The following CC2D2A variants were observed in gnomAD, a reference collection of about 807,000 sequenced individuals.
The protein encoded by CC2D2A is coiled-coil and C2 domain-containing protein 2A.
In CC2D2A, 155 loss-of-function variants were observed where a neutral mutation model predicts 212.9. That is an observed-to-expected ratio of 0.73 (90% CI 0.64 to 0.83). CC2D2A has a LOEUF of 0.83. Among genes scored for constraint, CC2D2A ranks in the 40% least tolerant of loss-of-function variants. The probability of loss-of-function intolerance (pLI) is 0.00; values close to 1 mark genes in which losing one functional copy is unlikely to be tolerated. For synonymous variants in CC2D2A, 667 were observed against 686.5 expected (o/e 0.97, Z 0.44); for missense variants, 1,856 against 1,956.2 (o/e 0.95, Z 0.97).
rs1408243342 is a variant in CC2D2A, at chr4:15,550,970, A to T, written c.2328A>T (p.Gly776=). 6.3e-7 allele frequency: 1 copy of T among 1,593,282 alleles called. No individual in the cohort carries two copies. The highest frequency in any genetic ancestry group is 1.3e-5 in the African/African-American group (1 of 74,854). The change falls in exon 18 of 37, where the codon GGA becomes GGT. Residue 776 remains glycine (G), a synonymous_variant. Transcript: ENST00000424120. ...AGCATGTGACACTGGACCACGAGGGAGTTGGAAGTGGTATGGAAAGCTAAT... is the reference window on the plus strand; with the variant it reads ...AGCATGTGACACTGGACCACGAGGGTGTTGGAAGTGGTATGGAAAGCTAAT... The part of the protein sequence containing the change: ...SNQHVTLDHE[G]VGSGVPFSFE...
intron 4 of CC2D2A, among the ~76,000 whole-genome samples, chr4:15,485,542 G>T (rs976268593): frequency 1.3e-5 from 2 of 152,088 alleles, no homozygotes; most frequent in African/African-American, 4.8e-5. Flanking sequence ...TTAGTTTTTT[G>T]AGAAACTTCA....
intron 14 of CC2D2A, among the ~76,000 whole-genome samples, chr4:15,534,847 C>T (rs900062638): frequency 2.0e-5 from 3 of 152,034 alleles, no homozygotes; most frequent in African/African-American, 7.2e-5. Context: ...TATCTGGTCC[C>T]TACCAGAGCA....
At chr4:15,576,230 A>T (rs1720398486) in intron 29 of CC2D2A, 1 of 180,208 alleles carries the variant, frequency 5.5e-6, no homozygotes. Flanking sequence ...TGATTGACAG[A>T]ACCCTTATGT....
intron 4 of CC2D2A, among the ~76,000 whole-genome samples, chr4:15,484,706 G>GAT (rs1281617806): frequency 1.3e-5 from 2 of 152,172 alleles, no homozygotes; most frequent in African/African-American, 4.8e-5. Context: ...AGTCAAAAAT[G>GAT]GGTAACTCCA....
Position 15,561,080 on chromosome 4 carries a change from G to T in CC2D2A, c.3014+458G>T, listed in dbSNP as rs1367690757. 2.6e-5 allele frequency among the ~76,000 whole-genome samples: 4 copies of T among 152,318 alleles called. No homozygotes were observed. In the East Asian group the frequency reaches 7.7e-4, roughly 29 times the overall value. On this transcript the variant is annotated intron_variant, in intron 23 of 36. Transcript: ENST00000424120. ...CCTGGTTGCAGCACCACAGCTGGTGGGCAGAGAGCTGGTGCATGTGCTTGG... is the reference window on the plus strand; with the variant it reads ...CCTGGTTGCAGCACCACAGCTGGTGTGCAGAGAGCTGGTGCATGTGCTTGG...
chr4:15,555,143 A>G lies in CC2D2A; in HGVS notation c.2558A>G (p.Lys853Arg). 1 of 1,613,864 alleles carries G rather than the reference A, an allele frequency of 6.2e-7. No individual in the cohort carries two copies. Among genetic ancestry groups the G allele is most frequent in the Non-Finnish European group, 8.5e-7 (1 of 1,179,842 alleles). Residue 853 changes from lysine to arginine, a missense_variant, in exon 20 of 37, where the codon AAG becomes AGG. By Grantham distance (26) the Lys-to-Arg change is conservative. Around this residue, in one of 5 missense-constraint regions of CC2D2A, gnomAD observed 1,512 missense variants for 1,579.3 expected, o/e 0.96. Coordinates refer to ENST00000424120, the MANE Select transcript of CC2D2A (RefSeq NM_001378615.1). ...CTGACAGACATGAAAAAATTGGCCA[A>G]GTGGGCAGCAGAGTCCAAGCTCGAC... Reference protein sequence around the residue: ...SGLTDMKKLAKWAAESKLDPN... With the variant: ...SGLTDMKKLARWAAESKLDPN...
At chr4:15,511,158 A>G (rs748328256) in intron 7 of CC2D2A, 89 bp from the exon 8 acceptor site, 14 of 1,393,826 alleles carry the variant, frequency 1.0e-5, no homozygotes, top group Non-Finnish European at 1.3e-5. Flanking sequence ...GCCTGATCTC[A>G]TTAGCATTAA....
chr4:15,551,185 A>G (rs1718992512), intron 18 of CC2D2A, among the ~76,000 whole-genome samples: 1 of 152,248 alleles, frequency 6.6e-6, no homozygotes, highest in African/African-American at 2.4e-5. Context: ...CTGTGCAACT[A>G]TGAAGTAGTT....
chr4:15,544,790 A>T (rs376944286), intron 17 of CC2D2A, among the ~76,000 whole-genome samples: 3 of 152,336 alleles, frequency 2.0e-5, no homozygotes, highest in African/African-American at 7.2e-5. Flanking sequence ...ATTGCCTTGA[A>T]TATTAGCTTG....
intron 28 of CC2D2A, 98 bp downstream of exon 28, chr4:15,570,594 C>T: frequency 1.3e-6 from 1 of 746,932 alleles, no homozygotes; most frequent in Non-Finnish European, 2.3e-6. Context: ...GTGGCTCATG[C>T]CTGTAATCCC....
chr4:15,484,993 A>C (rs1425098663), intron 4 of CC2D2A, among the ~76,000 whole-genome samples: 1 of 152,190 alleles, frequency 6.6e-6, no homozygotes, highest in Non-Finnish European at 1.5e-5. Flanking sequence ...TTTTCCAATC[A>C]GCTGACTATC....
At chr4:15,516,134 T>A (rs1716859031) in intron 10 of CC2D2A, 130 bp downstream of exon 10, 1 of 156,198 alleles carries the variant, frequency 6.4e-6, no homozygotes, top group Non-Finnish European at 1.0e-5. Flanking sequence ...AAGTGGTTCA[T>A]TTTTTTTTTT....
At chr4:15,539,534 A>C (rs891735081) in intron 16 of CC2D2A, among the ~76,000 whole-genome samples, 2 of 152,236 alleles carry the variant, frequency 1.3e-5, no homozygotes, top group African/African-American at 4.8e-5. Context: ...AACTTCTGCT[A>C]ATGTTCTAAT....
intron 24 of CC2D2A, 145 bp downstream of exon 24, chr4:15,563,667 G>A (rs1719729438): frequency 2.6e-6 from 2 of 756,914 alleles, no homozygotes; most frequent in Non-Finnish European, 4.3e-6. Context: ...AGGCCCTACT[G>A]TTTGCAAGTA....
chr4:15,538,132 C>A lies in CC2D2A; in HGVS notation c.1998C>A (p.Cys666Ter). ...GAAGCGTAACACCCAATGACCAGTG[C>A]CCCAGGTGAGTGGATGCTCCGACCG... ...LAGSVTPNDQ[C>*]PRAEVSRRED... is the part of the protein sequence containing the mutation. The change falls in exon 16 of 37, where the codon TGC (cysteine) becomes TGA (stop). Residue 666 changes from cysteine to a stop codon, truncating the protein, a stop_gained. Transcript: ENST00000424120. LOFTEE classifies it high-confidence loss of function. 6.4e-7 allele frequency: 1 copy of A among 1,564,060 alleles called. No individual in the cohort carries two copies. Among genetic ancestry groups the A allele is most frequent in the Non-Finnish European group, 8.7e-7 (1 of 1,152,780 alleles).
chr4:15,528,013 AT>A (rs1337687908), intron 12 of CC2D2A, among the ~76,000 whole-genome samples: 2 of 152,212 alleles, frequency 1.3e-5, no homozygotes, highest in African/African-American at 4.8e-5. Context: ...AAACATTCTC[AT>A]CTTGATATTT....
At chr4:15,563,609 T>C in intron 24 of CC2D2A, 87 bp downstream of exon 24, 1 of 1,408,036 alleles carries the variant, frequency 7.1e-7, no homozygotes, top group South Asian at 1.2e-5. Flanking sequence ...ACTCTCATTC[T>C]TAACGTGGTT....
At chr4:15,570,367 A>G in intron 27 of CC2D2A, 31 bp from the exon 28 acceptor site, 2 of 1,362,712 alleles carry the variant, frequency 1.5e-6, no homozygotes, top group Non-Finnish European at 2.1e-6. Context: ...TGGAGTTCTT[A>G]AGCAATTATT....
chr4:15,516,392 A>G (rs1310216951), intron 10 of CC2D2A, among the ~76,000 whole-genome samples: 1 of 152,154 alleles, frequency 6.6e-6, no homozygotes, highest in African/African-American at 2.4e-5. Context: ...CACTCATTTA[A>G]GCTCTTTAAA....
Sources: gnomAD v4.1 joint callset for allele counts (sites outside exome capture counted in the v4.1 genomes callset) on GRCh38, gnomAD v4.1.1 for gene constraint, gnomAD v4.1.1 regional missense constraint, MANE v1.5 for transcripts, NCBI Gene and HGNC (gene_info 2026-07-23, HGNC 2026-07-21) for gene names.